Variants in SORCS3 observed in about 807,000 individuals in gnomAD.
SORCS3 encodes the protein sortilin related VPS10 domain containing receptor 3.
In SORCS3, 57 loss-of-function variants were observed where a neutral mutation model predicts 146.3. The observed-to-expected ratio is 0.39, with a 90% CI of 0.31 to 0.49. The LOEUF (loss-of-function observed/expected upper bound fraction) is 0.49. Among genes scored for constraint, SORCS3 ranks in the 20% least tolerant of loss-of-function variants. The pLI is 0.92. For synonymous variants in SORCS3, 653 were observed against 618.5 expected (o/e 1.06, Z -0.83); for missense variants, 1,341 against 1,575.5 (o/e 0.85, Z 2.52).
chr10:104,950,416 T>C (rs7096635), intron 3 of SORCS3, among the ~76,000 whole-genome samples: 41,223 of 151,956 alleles, frequency 0.27, 6,248 homozygotes, highest in African/African-American at 0.42. Context: ...TCTCTGAAAA[T>C]TGTGGTTAAT....
At chr10:105,091,668 G>C (rs559538672) in intron 6 of SORCS3, among the ~76,000 whole-genome samples, 22 of 151,882 alleles carry the variant, frequency 1.4e-4, no homozygotes, top group Non-Finnish European at 2.8e-4. Context: ...TTTTTTAACT[G>C]AAGAGCTATT....
intron 4 of SORCS3, among the ~76,000 whole-genome samples, chr10:105,002,935 T>A (rs1362290149): frequency 6.6e-6 from 1 of 152,210 alleles, no homozygotes; most frequent in Non-Finnish European, 1.5e-5. Flanking sequence ...GTATTGGCTT[T>A]ATTTGTATTA....
intron 1 of SORCS3, 68 bp downstream of exon 1, chr10:104,642,022 G>GGGGGGGGGC: frequency 3.5e-5 from 6 of 173,336 alleles, no homozygotes; most frequent in East Asian, 1.5e-4. Context: ...GGGTGGGTGG[G>GGGGGGGGGC]AGCGAGGGAC....
chr10:104,947,592 A>G (rs1325404472), intron 3 of SORCS3, among the ~76,000 whole-genome samples: 1 of 152,066 alleles, frequency 6.6e-6, no homozygotes, highest in Non-Finnish European at 1.5e-5. Context: ...TTCATGACCT[A>G]GCACTGGATG....
chr10:104,730,449 C>T (rs919191931), intron 1 of SORCS3, among the ~76,000 whole-genome samples: 1 of 152,136 alleles, frequency 6.6e-6, no homozygotes, highest in Non-Finnish European at 1.5e-5. Context: ...ATGGAGGGCT[C>T]CATCTGGGTT....
At chr10:104,900,733 G>A (rs1397863187) in intron 2 of SORCS3, among the ~76,000 whole-genome samples, 1 of 151,886 alleles carries the variant, frequency 6.6e-6, no homozygotes, top group Admixed American at 6.6e-5. Context: ...TACTAAAAAT[G>A]CAAAAAATTA....
intron 20 of SORCS3, among the ~76,000 whole-genome samples, chr10:105,228,956 T>G (rs2056751347): frequency 6.6e-6 from 1 of 152,236 alleles, no homozygotes; most frequent in Non-Finnish European, 1.5e-5. Context: ...TTATTTCATT[T>G]TCTTTTTATC....
At chr10:104,833,568 G>C (rs534893444) in intron 1 of SORCS3, among the ~76,000 whole-genome samples, 1 of 152,286 alleles carries the variant, frequency 6.6e-6, no homozygotes, top group Admixed American at 6.5e-5. Flanking sequence ...ACACCACGTG[G>C]TGAGCATTCA....
At chr10:104,995,525 A>G (rs1160351856) in intron 4 of SORCS3, among the ~76,000 whole-genome samples, 1 of 152,144 alleles carries the variant, frequency 6.6e-6, no homozygotes, top group Non-Finnish European at 1.5e-5. Flanking sequence ...TCTTTTAGTG[A>G]CTAAGGATGT....
chr10:104,643,932 T>G (rs2015460829), intron 1 of SORCS3, among the ~76,000 whole-genome samples: 1 of 152,202 alleles, frequency 6.6e-6, no homozygotes, highest in South Asian at 2.1e-4. Context: ...GGATTATTTT[T>G]GAGTATTTAC....
At chr10:105,034,408 A>G (rs1323412964) in intron 4 of SORCS3, among the ~76,000 whole-genome samples, 1 of 152,160 alleles carries the variant, frequency 6.6e-6, no homozygotes, top group African/African-American at 2.4e-5. Context: ...AACTTGGAAG[A>G]TAAGTCAGGG....
chr10:105,037,426 G>C (rs2055313812), intron 4 of SORCS3, among the ~76,000 whole-genome samples: 1 of 152,174 alleles, frequency 6.6e-6, no homozygotes, highest in South Asian at 2.1e-4. Context: ...CCAAAATCAA[G>C]ATGTTGGCAG....
intron 1 of SORCS3, among the ~76,000 whole-genome samples, chr10:104,719,133 T>C (rs1050213844): frequency 5.9e-5 from 9 of 152,242 alleles, no homozygotes; most frequent in Non-Finnish European, 1.2e-4. Context: ...AAATCTTGTA[T>C]TTGACACCTA....
intron 8 of SORCS3, among the ~76,000 whole-genome samples, chr10:105,144,712 C>G (rs1004592017): frequency 2.6e-5 from 4 of 152,122 alleles, no homozygotes; most frequent in African/African-American, 9.7e-5. Flanking sequence ...TTGGATTTCT[C>G]TCTTTAACAC....
Position 104,754,217 on chromosome 10 carries a change from T to C in SORCS3, c.628-88575T>C, listed in dbSNP as rs533247328. On this transcript the variant is annotated intron_variant, in intron 1 of 26. Coordinates refer to ENST00000369701, the MANE Select transcript of SORCS3 (RefSeq NM_014978.3). ...CAGGCCTGCCTGTGTCAAAAGCACA[T>C]GCTGTTTCCATCACACTGAGTTTCT... is the stretch of plus-strand genomic sequence containing the variant. Among the ~76,000 whole-genome samples, 200 of 152,318 alleles carry C rather than the reference T, an allele frequency of 1.3e-3. 2 individuals carry two copies. Among genetic ancestry groups the C allele is most frequent in the African/African-American group, 4.6e-3 (192 of 41,570 alleles).
At chr10:105,124,279 T>C (rs2055956779) in intron 7 of SORCS3, among the ~76,000 whole-genome samples, 2 of 152,146 alleles carry the variant, frequency 1.3e-5, no homozygotes, top group Admixed American at 1.3e-4. Context: ...GAAAGTGATA[T>C]AATGAAGATG....
rs373150688 is a variant in SORCS3, at chr10:104,641,733, C to T, written c.406C>T (p.Pro136Ser). Reference protein sequence around the residue: ...GGARRSRRAQPPITQERGDAW... With the variant: ...GGARRSRRAQSPITQERGDAW... ...CGCGAGGAGGAGTCGCCGGGCGCAG[C>T]CCCCAATCACCCAGGAACGCGGGGA... The change falls in exon 1 of 27, where the codon CCC becomes TCC. Residue 136 changes from proline to serine, a missense_variant. Coordinates refer to ENST00000369701, the MANE Select transcript of SORCS3 (RefSeq NM_014978.3). This position sits in a 1 kb window ranked among gnomAD's most constrained non-coding sequence, Gnocchi z 6.4. The T allele has an allele frequency of 2.6e-6, 4 of 1,544,196 alleles. No individual in the cohort carries two copies. Among genetic ancestry groups the T allele is most frequent in the African/African-American group, 2.8e-5 (2 of 72,634 alleles).
intron 1 of SORCS3, among the ~76,000 whole-genome samples, chr10:104,820,934 T>C (rs2017865440): frequency 6.6e-6 from 1 of 152,186 alleles, no homozygotes; most frequent in Non-Finnish European, 1.5e-5. Flanking sequence ...GTGGGAGAAG[T>C]ATTTTAAGCA....
chr10:105,044,353 C>A (rs1345762178), intron 5 of SORCS3, among the ~76,000 whole-genome samples: 1 of 152,018 alleles, frequency 6.6e-6, no homozygotes, highest in African/African-American at 2.4e-5. Flanking sequence ...CTACTGCCAT[C>A]ATAGAGATTA....
Sources: gnomAD v4.1 joint callset for allele counts (sites outside exome capture counted in the v4.1 genomes callset) on GRCh38, gnomAD v4.1.1 for gene constraint, Gnocchi (gnomAD v3.1) non-coding constraint, MANE v1.5 for transcripts, NCBI Gene and HGNC (gene_info 2026-07-23, HGNC 2026-07-21) for gene names.